Variants in LSAMP observed in about 807,000 individuals in gnomAD.
The protein encoded by LSAMP is limbic system associated membrane protein.
LSAMP carries 7 observed loss-of-function variants against 38.6 expected under a neutral mutation model. That is an observed-to-expected ratio of 0.18 (90% CI 0.10 to 0.34). The LOEUF is 0.34. Ranked by LOEUF, LSAMP falls within the 10% of genes least tolerant of loss-of-function variation. LSAMP has a pLI of 1.00. For missense variants in LSAMP, 313 were observed against 420.0 expected, an observed-to-expected ratio of 0.75 and a Z score of 2.23; for synonymous variants, 154 against 166.8, an observed-to-expected ratio of 0.92 and a Z score of 0.59.
At chr3:116,404,057 A>G (rs2107829961) in intron 1 of LSAMP, among the ~76,000 whole-genome samples, 1 of 152,262 alleles carries the variant, frequency 6.6e-6, no homozygotes, top group Admixed American at 6.5e-5. Flanking sequence ...ATGTTAAAAT[A>G]GGAGATTAAA....
At chr3:116,366,845 A>T (rs1412089467) in intron 1 of LSAMP, among the ~76,000 whole-genome samples, 1 of 152,114 alleles carries the variant, frequency 6.6e-6, no homozygotes, top group East Asian at 1.9e-4. Context: ...ATATTTTCTC[A>T]GTCTTCCTTA....
chr3:116,197,899 A>G (rs2107589069), intron 1 of LSAMP, among the ~76,000 whole-genome samples: 1 of 152,266 alleles, frequency 6.6e-6, no homozygotes, highest in Admixed American at 6.5e-5. Flanking sequence ...ATTGATATAT[A>G]GATATAAATA....
chr3:116,239,048 A>G (rs1369315300), intron 1 of LSAMP, among the ~76,000 whole-genome samples: 1 of 152,198 alleles, frequency 6.6e-6, no homozygotes, highest in Admixed American at 6.5e-5. Flanking sequence ...AGGCATAGCT[A>G]TGCTTTTAGA....
intron 1 of LSAMP, among the ~76,000 whole-genome samples, chr3:116,280,741 G>A (rs971388318): frequency 1.3e-5 from 2 of 152,196 alleles, no homozygotes; most frequent in African/African-American, 2.4e-5. Flanking sequence ...TCCAACAGTC[G>A]TGGTTCACTC....
At chr3:116,006,931 C>G (rs562307557) in intron 3 of LSAMP, among the ~76,000 whole-genome samples, 5 of 152,326 alleles carry the variant, frequency 3.3e-5, no homozygotes, top group African/African-American at 9.6e-5. Flanking sequence ...ATCCCCTGAT[C>G]TGGATCTGTC....
At chr3:115,832,337 C>T (rs979184149) in intron 6 of LSAMP, among the ~76,000 whole-genome samples, 4 of 152,072 alleles carry the variant, frequency 2.6e-5, no homozygotes, top group African/African-American at 7.2e-5. Context: ...GGCCATTTTA[C>T]GTCAACCAAT....
intron 1 of LSAMP, among the ~76,000 whole-genome samples, chr3:116,302,685 C>T (rs142954169): frequency 2.6e-5 from 4 of 152,318 alleles, no homozygotes; most frequent in African/African-American, 7.2e-5. Context: ...TTCAAAGTTA[C>T]AGATCTGTTT....
chr3:116,356,146 G>A (rs1221876005), intron 1 of LSAMP, among the ~76,000 whole-genome samples: 8 of 152,144 alleles, frequency 5.3e-5, no homozygotes, highest in Non-Finnish European at 1.0e-4. Context: ...TTATTACAGC[G>A]CTATTCACAA....
chr3:116,095,285 GA>G (rs1178191868), intron 1 of LSAMP, among the ~76,000 whole-genome samples: 2 of 152,184 alleles, frequency 1.3e-5, no homozygotes, highest in Non-Finnish European at 2.9e-5. Flanking sequence ...GCAAAACCCA[GA>G]CAAGCTGCGC....
intron 2 of LSAMP, among the ~76,000 whole-genome samples, chr3:116,057,449 T>C (rs1218132729): frequency 6.6e-6 from 1 of 152,180 alleles, no homozygotes; most frequent in Non-Finnish European, 1.5e-5. Context: ...TGATATGGCA[T>C]TGGTCATCAA....
chr3:116,207,789 G>C (rs962929086), intron 1 of LSAMP, among the ~76,000 whole-genome samples: 5 of 152,084 alleles, frequency 3.3e-5, no homozygotes, highest in Non-Finnish European at 7.4e-5. Flanking sequence ...TAGTCTGATG[G>C]GCTTCCCTTT....
rs535081625 is a variant in LSAMP at position 115,920,816 on chromosome 3, T to G, written c.515-68199A>C. Among the ~76,000 whole-genome samples, 4 of 152,222 alleles carry G rather than the reference T, an allele frequency of 2.6e-5. No individual in the cohort carries two copies. In the South Asian group the frequency reaches 8.3e-4, roughly 32 times the overall value. On this transcript the variant is annotated intron_variant, in intron 3 of 6. Coordinates refer to ENST00000490035, the MANE Select transcript of LSAMP (RefSeq NM_002338.5). ...TTGAAATGCCCTACTATTACTGCAT[T>G]GCTGTCTATTTCTCCCTTTTGTTCT... is the stretch of plus-strand genomic sequence containing the variant.
intron 1 of LSAMP, among the ~76,000 whole-genome samples, chr3:116,364,021 G>T (rs1470774552): frequency 4.2e-5 from 1 of 24,060 alleles, no homozygotes; most frequent in African/African-American, 2.7e-4. Context: ...GGGCAATCAG[G>T]CAGGAGAAGG....
intron 1 of LSAMP, among the ~76,000 whole-genome samples, chr3:116,375,200 T>C (rs1442383989): frequency 6.6e-6 from 1 of 151,940 alleles, no homozygotes; most frequent in Non-Finnish European, 1.5e-5. Flanking sequence ...GAAGAAAAGG[T>C]GGCTATTTCA....
At chr3:116,035,653 C>A (rs550739183) in intron 2 of LSAMP, among the ~76,000 whole-genome samples, 167 of 152,300 alleles carry the variant, frequency 1.1e-3, no homozygotes, top group African/African-American at 3.8e-3. Flanking sequence ...GGCTTCCACC[C>A]AGATATTTCT....
chr3:116,265,740 C>T (rs2046883170), intron 1 of LSAMP, among the ~76,000 whole-genome samples: 1 of 152,262 alleles, frequency 6.6e-6, no homozygotes, highest in Admixed American at 6.5e-5. Flanking sequence ...ATACAGGCTT[C>T]CTGAAATGTT....
At chr3:115,955,216 G>A (rs1442519849) in intron 3 of LSAMP, among the ~76,000 whole-genome samples, 1 of 152,158 alleles carries the variant, frequency 6.6e-6, no homozygotes, top group Non-Finnish European at 1.5e-5. Context: ...TTACAGGCGT[G>A]AGCCACCGCG....
chr3:116,428,724 G>C (rs894351840), intron 1 of LSAMP, among the ~76,000 whole-genome samples: 1 of 152,120 alleles, frequency 6.6e-6, no homozygotes. Context: ...AAAATTGAGT[G>C]AAACTGTACT....
intron 3 of LSAMP, among the ~76,000 whole-genome samples, chr3:115,945,018 A>T (rs1938048407): frequency 6.6e-6 from 1 of 151,644 alleles, no homozygotes; most frequent in African/African-American, 2.4e-5. Flanking sequence ...GCTTATTCTA[A>T]TTTTTTTTCC....
Sources: allele counts gnomAD v4.1 joint callset (sites outside exome capture counted in the v4.1 genomes callset), GRCh38; gene constraint gnomAD v4.1.1; transcripts MANE v1.5; gene names NCBI Gene and HGNC (gene_info 2026-07-23, HGNC 2026-07-21).